The following C8orf34 variants were observed in gnomAD, a reference collection of about 807,000 sequenced individuals.
C8orf34 encodes chromosome 8 open reading frame 34, also known as uncharacterized protein C8orf34.
In C8orf34, 65 loss-of-function variants were observed where a neutral mutation model predicts 68.3. That is an observed-to-expected ratio of 0.95 (90% CI 0.78 to 1.17). The LOEUF is 1.17. Ranked by LOEUF, C8orf34 falls within the 50% of genes most tolerant of loss-of-function variation. The pLI is 0.00. For missense variants in C8orf34, 664 were observed against 655.4 expected (o/e 1.01, Z -0.14); for synonymous variants, 244 against 241.2 (o/e 1.01, Z -0.11).
chr8:68,560,158 T>G (rs1240871282), intron 7 of C8orf34, among the ~76,000 whole-genome samples: 1 of 149,076 alleles, frequency 6.7e-6, no homozygotes. Context: ...TTTTTTTTTT[T>G]GAATGAAACA....
At chr8:68,532,200 T>C (rs1203349892) in intron 6 of C8orf34, among the ~76,000 whole-genome samples, 1 of 152,070 alleles carries the variant, frequency 6.6e-6, no homozygotes, top group East Asian at 1.9e-4. Flanking sequence ...AACAGAAATA[T>C]GGGTATATAC....
At chr8:68,662,454 G>A (rs1178464744) in intron 8 of C8orf34, among the ~76,000 whole-genome samples, 1 of 152,130 alleles carries the variant, frequency 6.6e-6, no homozygotes, top group Non-Finnish European at 1.5e-5. Context: ...AGGGCCAGGT[G>A]GAGGTAATTG....
intron 3 of C8orf34, among the ~76,000 whole-genome samples, chr8:68,452,230 T>C (rs564076471): frequency 9.4e-4 from 141 of 150,244 alleles, no homozygotes; most frequent in African/African-American, 3.2e-3. Context: ...TAATAATTGA[T>C]ATTATATAAT....
chr8:68,641,147 A>G (rs1267498598), intron 8 of C8orf34, among the ~76,000 whole-genome samples: 2 of 152,200 alleles, frequency 1.3e-5, no homozygotes, highest in African/African-American at 4.8e-5. Context: ...ATGATGAAAC[A>G]AGCCTTCTAA....
In C8orf34 at chr8:68,334,818, C is replaced by T. The variant is rs186998803; in HGVS notation, c.327+3479C>T. ...TGTAAATTTGCATTAACTGATTTGG[C>T]ATATATGTTATAAAATGGACTTATC... On this transcript the variant is annotated intron_variant, in intron 1 of 13. Transcript: ENST00000518698. 3.8e-4 allele frequency among the ~76,000 whole-genome samples: 58 copies of T among 152,264 alleles called. 1 individual carries two copies. Among genetic ancestry groups the T allele is most frequent in the African/African-American group, 1.4e-3 (57 of 41,562 alleles).
intron 1 of C8orf34, among the ~76,000 whole-genome samples, chr8:68,372,522 G>A (rs1807603305): frequency 6.6e-6 from 1 of 152,126 alleles, no homozygotes; most frequent in Admixed American, 6.6e-5. Flanking sequence ...TATATTAATA[G>A]GAATAGCAAG....
At chr8:68,335,028 T>TG (rs1279129083) in intron 1 of C8orf34, among the ~76,000 whole-genome samples, 1 of 152,164 alleles carries the variant, frequency 6.6e-6, no homozygotes. Flanking sequence ...AAATGCTCCT[T>TG]GCGTTTATCA....
intron 5 of C8orf34, among the ~76,000 whole-genome samples, chr8:68,519,738 G>A (rs1406420563): frequency 6.6e-6 from 1 of 151,832 alleles, no homozygotes; most frequent in Non-Finnish European, 1.5e-5. Flanking sequence ...GGGGGTGGGG[G>A]GGAAGAATTT....
At chr8:68,642,668 A>G (rs1320639682) in intron 8 of C8orf34, among the ~76,000 whole-genome samples, 1 of 152,174 alleles carries the variant, frequency 6.6e-6, no homozygotes, top group Non-Finnish European at 1.5e-5. Flanking sequence ...TGAACTTAGA[A>G]AATGTGACTA....
rs775860985 is a variant in C8orf34 at position 68,488,081 on chromosome 8, A to G, written c.765+30A>G. The G allele has an allele frequency of 2.0e-6, 3 of 1,509,978 alleles. No individual in the cohort carries two copies. In the South Asian group the frequency reaches 3.7e-5, roughly 19 times the overall value. The allele number at this position is 1,509,978 out of a possible 1,614,324, so 93.5% of individuals were successfully genotyped here. ...GTTGAACTATACATCTGGTGAAAAG[A>G]AAATGTAGAACTTACCTTTTATTCC... On this transcript the variant is annotated intron_variant, in intron 5 of 13. Coordinates refer to ENST00000518698, the MANE Select transcript of C8orf34 (RefSeq NM_052958.4).
intron 7 of C8orf34, among the ~76,000 whole-genome samples, chr8:68,592,032 GC>G (rs1470789346): frequency 2.6e-5 from 4 of 151,976 alleles, no homozygotes; most frequent in African/African-American, 9.7e-5. Context: ...AGCTATTTGC[GC>G]TTTTAAAAAA....
chr8:68,799,617 C>A (rs1824272775), intron 12 of C8orf34, among the ~76,000 whole-genome samples: 2 of 152,094 alleles, frequency 1.3e-5, no homozygotes, highest in South Asian at 2.1e-4. Flanking sequence ...GCCAGATTAC[C>A]CCCTTAAAGC....
intron 5 of C8orf34, among the ~76,000 whole-genome samples, chr8:68,500,732 C>T (rs527802366): frequency 7.2e-5 from 11 of 152,200 alleles, no homozygotes; most frequent in East Asian, 5.8e-4. Flanking sequence ...ATTCAAAATA[C>T]GAACCAACAG....
rs374165624 is a variant in C8orf34, at chr8:68,505,404, C to T, written c.766-16395C>T. 1.8e-4 allele frequency among the ~76,000 whole-genome samples: 27 copies of T among 152,212 alleles called. No individual in the cohort carries two copies. In the East Asian group the frequency reaches 4.6e-3, roughly 26 times the overall value. ...TTGGTGGTAAGAAGTTGAACAAATTCTCTTTTGATTGCTTTCATTTTCTCA... is the reference window on the plus strand; with the variant it reads ...TTGGTGGTAAGAAGTTGAACAAATTTTCTTTTGATTGCTTTCATTTTCTCA... On this transcript the variant is annotated intron_variant, in intron 5 of 13. Coordinates refer to ENST00000518698, the MANE Select transcript of C8orf34 (RefSeq NM_052958.4).
chr8:68,339,646 G>C (rs915830290), intron 1 of C8orf34, among the ~76,000 whole-genome samples: 22 of 152,026 alleles, frequency 1.4e-4, no homozygotes, highest in African/African-American at 5.3e-4. Flanking sequence ...TGCAGTATTG[G>C]TGTAAATTGA....
intron 7 of C8orf34, among the ~76,000 whole-genome samples, chr8:68,585,825 A>C (rs1817193271): frequency 6.6e-6 from 1 of 152,132 alleles, no homozygotes; most frequent in African/African-American, 2.4e-5. Context: ...ATCGAGGAGG[A>C]GAGAGACAGA....
chr8:68,705,157 T>C (rs1362493845), intron 8 of C8orf34, among the ~76,000 whole-genome samples: 1 of 152,186 alleles, frequency 6.6e-6, no homozygotes, highest in East Asian at 1.9e-4. Context: ...TTTGAGGTGC[T>C]TATCTTGCAT....
chr8:68,541,948 G>A (rs1397053240), intron 7 of C8orf34, among the ~76,000 whole-genome samples: 1 of 152,112 alleles, frequency 6.6e-6, no homozygotes, highest in East Asian at 1.9e-4. Context: ...AGTATCAAAA[G>A]GTAAAATGAT....
intron 9 of C8orf34, among the ~76,000 whole-genome samples, chr8:68,716,973 G>T (rs1821492519): frequency 6.6e-6 from 1 of 151,632 alleles, no homozygotes; most frequent in Non-Finnish European, 1.5e-5. Flanking sequence ...AAGGCATTCA[G>T]ATTTCTACTG....
Sources: gnomAD v4.1 joint callset for allele counts (sites outside exome capture counted in the v4.1 genomes callset) on GRCh38, gnomAD v4.1.1 for gene constraint, MANE v1.5 for transcripts, NCBI Gene and HGNC (gene_info 2026-07-23, HGNC 2026-07-21) for gene names.